CFAP47: variants seen among roughly 807,000 people sequenced by gnomAD.
CFAP47 encodes the protein cilia- and flagella-associated protein 47.
CFAP47 carries 29 observed loss-of-function variants against 148.1 expected under a neutral mutation model. The observed-to-expected ratio is 0.20, with a 90% CI of 0.15 to 0.27. The LOEUF (loss-of-function observed/expected upper bound fraction) is 0.27. Among genes scored for constraint, CFAP47 ranks in the 10% least tolerant of loss-of-function variants. The probability of loss-of-function intolerance (pLI) is 1.00; values close to 1 mark genes in which losing one functional copy is unlikely to be tolerated. For missense variants in CFAP47, 1,872 were observed against 1,697.5 expected (o/e 1.10, Z -1.81); for synonymous variants, 664 against 577.3 (o/e 1.15, Z -2.15).
chrX:36,049,498 A>T (rs1278512123), intron 26 of CFAP47, among the ~76,000 whole-genome samples: 49 of 105,898 alleles, frequency 4.6e-4, no homozygotes, highest in African/African-American at 1.5e-3. Context: ...TCACACACAC[A>T]CACACACACA....
intron 46 of CFAP47, among the ~76,000 whole-genome samples, chrX:36,233,602 T>C (rs1482292168): frequency 8.9e-6 from 1 of 111,854 alleles, no homozygotes; most frequent in African/African-American, 3.3e-5. Flanking sequence ...TTGGAGCATT[T>C]AGTCCATTTA....
intron 42 of CFAP47, 33 bp downstream of exon 42, chrX:36,190,229 C>G (rs140453430): frequency 6.5e-5 from 19 of 294,276 alleles, no homozygotes; most frequent in African/African-American, 1.1e-4. Flanking sequence ...TGTGTTTACA[C>G]GAGCTGTCAC....
At chrX:36,096,109 A>G (rs753069548) in intron 30 of CFAP47, among the ~76,000 whole-genome samples, 2 of 111,312 alleles carry the variant, frequency 1.8e-5, no homozygotes, top group South Asian at 3.7e-4. Context: ...TCATTGAACC[A>G]CTGGTCACTC....
At chrX:36,069,079 A>C (rs1937698004) in intron 27 of CFAP47, among the ~76,000 whole-genome samples, 3 of 111,353 alleles carry the variant, frequency 2.7e-5, no homozygotes, top group Middle Eastern at 4.7e-3. Context: ...AGAGTCACAC[A>C]AACTAGATGA....
chrX:36,162,755 A>G (rs1939445838), intron 39 of CFAP47, among the ~76,000 whole-genome samples: 1 of 111,517 alleles, frequency 9.0e-6, no homozygotes, highest in African/African-American at 3.3e-5. Flanking sequence ...GAACACCACT[A>G]TTTCATGCTC....
intron 46 of CFAP47, among the ~76,000 whole-genome samples, chrX:36,231,217 C>T (rs1555992545): frequency 9.0e-6 from 1 of 110,746 alleles, no homozygotes; most frequent in Non-Finnish European, 1.9e-5. Flanking sequence ...TGGCCATTTT[C>T]ATGATATTGA....
chrX:36,074,132 C>T (rs1160288229), intron 29 of CFAP47, among the ~76,000 whole-genome samples: 2 of 111,877 alleles, frequency 1.8e-5, no homozygotes, highest in African/African-American at 6.5e-5. Context: ...ATAGGACAAA[C>T]CTAGCTTCAT....
chrX:36,237,592 AG>A (rs1476154112), intron 48 of CFAP47, among the ~76,000 whole-genome samples: 2 of 112,022 alleles, frequency 1.8e-5, no homozygotes, highest in Non-Finnish European at 3.8e-5. Context: ...GGCCTCCCAA[AG>A]TGCTGGGATT....
At chrX:36,211,925 G>A (rs1352435524) in intron 45 of CFAP47, among the ~76,000 whole-genome samples, 1 of 110,728 alleles carries the variant, frequency 9.0e-6, no homozygotes, top group Non-Finnish European at 1.9e-5. Flanking sequence ...GCCCTGTTCT[G>A]GTGGTATTTA....
At chrX:36,233,573 G>A (rs1172695012) in intron 46 of CFAP47, among the ~76,000 whole-genome samples, 1 of 111,560 alleles carries the variant, frequency 9.0e-6, no homozygotes, top group African/African-American at 3.3e-5. Context: ...TATCCAATTT[G>A]CCAGTCAGTG....
In CFAP47 at chrX:36,184,339, G is replaced by A. The variant is rs376114362; in HGVS notation, c.6105-4281G>A. Among the ~76,000 whole-genome samples, 11 of 111,656 alleles carry A rather than the reference G, an allele frequency of 9.9e-5. 1 individual carries two copies. The East Asian group carries it at 2.8e-3, about 29-fold the overall frequency. On this transcript the variant is annotated intron_variant, in intron 40 of 63. Coordinates refer to ENST00000378653, the MANE Select transcript of CFAP47 (RefSeq NM_001304548.2). Reference sequence around the variant, plus strand: ...TTATGAGCATAGGAACATGGGTGGAGGGAATTCCAGAAGCAATGGGTAGGG... The same window carrying A: ...TTATGAGCATAGGAACATGGGTGGAAGGAATTCCAGAAGCAATGGGTAGGG...
intron 63 of CFAP47, among the ~76,000 whole-genome samples, chrX:36,380,734 C>G (rs1226050939): frequency 8.9e-6 from 1 of 112,735 alleles, no homozygotes; most frequent in Non-Finnish European, 1.9e-5. Flanking sequence ...TGAGCCACCA[C>G]GCCCAGCCTT....
chrX:36,329,195 A>T (rs782506545), intron 57 of CFAP47, among the ~76,000 whole-genome samples: 2 of 111,893 alleles, frequency 1.8e-5, no homozygotes, highest in South Asian at 3.8e-4. Context: ...GATAAAGATT[A>T]TCATCACTGG....
chrX:36,153,001 C>T (rs913614284), intron 37 of CFAP47, among the ~76,000 whole-genome samples: 72 of 111,023 alleles, frequency 6.5e-4, no homozygotes, highest in African/African-American at 2.3e-3. Flanking sequence ...CTCACTTCAA[C>T]GTCAACTCAA....
chrX:36,297,389 C>T (rs782582592), intron 51 of CFAP47, among the ~76,000 whole-genome samples: 1 of 112,106 alleles, frequency 8.9e-6, no homozygotes, highest in Non-Finnish European at 1.9e-5. Context: ...CATAACAGCT[C>T]CATGTTCTAA....
chrX:36,014,660 G>T (rs868766971), intron 21 of CFAP47, 114 bp from the exon 22 acceptor site: 116 of 265,134 alleles, frequency 4.4e-4, no homozygotes, highest in African/African-American at 3.1e-3. Context: ...AATGTCGCAA[G>T]ATAATTTTAT....
chrX:36,000,478 A>T (rs1460745167), intron 20 of CFAP47, 51 bp downstream of exon 20: 4 of 280,737 alleles, frequency 1.4e-5, no homozygotes, highest in Non-Finnish European at 1.9e-5. Context: ...ACAGTTTTAA[A>T]TTGCCCTGTG....
intron 22 of CFAP47, among the ~76,000 whole-genome samples, chrX:36,030,638 CT>C (rs756454100): frequency 2.8e-5 from 3 of 108,761 alleles, no homozygotes; most frequent in South Asian, 3.9e-4. Context: ...ATTTTATTTA[CT>C]TTTTTTTTCA....
intron 57 of CFAP47, among the ~76,000 whole-genome samples, chrX:36,342,354 A>G (rs1029704501): frequency 8.9e-6 from 1 of 112,188 alleles, no homozygotes; most frequent in Admixed American, 9.5e-5. Context: ...GATGGCATTT[A>G]AAATACCGTT....
Sources: allele counts gnomAD v4.1 joint callset (sites outside exome capture counted in the v4.1 genomes callset), GRCh38; gene constraint gnomAD v4.1.1; transcripts MANE v1.5; gene names NCBI Gene and HGNC (gene_info 2026-07-23, HGNC 2026-07-21).